Variants in KIAA1328 observed in about 807,000 individuals in gnomAD.
KIAA1328 encodes KIAA1328.
A neutral mutation model predicts 68.1 loss-of-function variants in KIAA1328; 52 were observed. The ratio of observed to expected loss-of-function variants is 0.76; its 90% CI spans 0.61 to 0.96. The LOEUF is 0.96. Among genes scored for constraint, KIAA1328 ranks in the 40% least tolerant of loss-of-function variants. The probability of loss-of-function intolerance (pLI) is 0.00; values close to 1 mark genes in which losing one functional copy is unlikely to be tolerated. For synonymous variants in KIAA1328, 232 were observed against 239.4 expected (o/e 0.97, Z 0.28); for missense variants, 641 against 677.6 (o/e 0.95, Z 0.60).
At chr18:37,192,594 C>G (rs934699394) in intron 9 of KIAA1328, among the ~76,000 whole-genome samples, 10 of 152,114 alleles carry the variant, frequency 6.6e-5, no homozygotes, top group Non-Finnish European at 1.5e-5. Context: ...CTGCTGGAGC[C>G]TAGCAAGTAA....
intron 7 of KIAA1328, among the ~76,000 whole-genome samples, chr18:37,122,105 G>A (rs1313265253): frequency 2.6e-5 from 4 of 152,018 alleles, no homozygotes; most frequent in Non-Finnish European, 5.9e-5. Flanking sequence ...AATATTTCAA[G>A]AATTAGCTGT....
At chr18:37,109,170 G>A (rs2057859362) in intron 7 of KIAA1328, among the ~76,000 whole-genome samples, 1 of 152,142 alleles carries the variant, frequency 6.6e-6, no homozygotes, top group South Asian at 2.1e-4. Flanking sequence ...TCTTAATCCA[G>A]TCTATCACTG....
intron 9 of KIAA1328, among the ~76,000 whole-genome samples, chr18:37,199,938 A>G (rs991066608): frequency 6.6e-6 from 1 of 152,182 alleles, no homozygotes; most frequent in African/African-American, 2.4e-5. Flanking sequence ...TTTTAAGAAC[A>G]TTTTTAAAAA....
chr18:36,989,717 C>T (rs768432506), intron 6 of KIAA1328, among the ~76,000 whole-genome samples: 4 of 151,686 alleles, frequency 2.6e-5, no homozygotes, highest in Non-Finnish European at 4.4e-5. Context: ...TTTTTTGAGA[C>T]GGAGTCTAGC....
At chr18:37,107,807 A>G (rs908319815) in intron 7 of KIAA1328, among the ~76,000 whole-genome samples, 6 of 152,130 alleles carry the variant, frequency 3.9e-5, no homozygotes, top group Non-Finnish European at 1.5e-5. Context: ...ATCAGTGAAG[A>G]TAGAGTTTGA....
chr18:37,140,109 C>A (rs2058735347), intron 7 of KIAA1328, among the ~76,000 whole-genome samples: 1 of 152,050 alleles, frequency 6.6e-6, no homozygotes, highest in South Asian at 2.1e-4. Flanking sequence ...AACTTTGCCT[C>A]CCTAAAGAAA....
chr18:36,886,579 G>A (rs1398346023), intron 5 of KIAA1328, among the ~76,000 whole-genome samples: 1 of 151,772 alleles, frequency 6.6e-6, no homozygotes, highest in East Asian at 1.9e-4. Context: ...ATATTTTAGG[G>A]GTGTGTTAAA....
chr18:37,115,553 A>G (rs1306178222), intron 7 of KIAA1328, among the ~76,000 whole-genome samples: 2 of 152,236 alleles, frequency 1.3e-5, no homozygotes, highest in Admixed American at 6.5e-5. Context: ...CCCACAGCCA[A>G]TATCATACTG....
At chr18:37,218,619 A>G (rs323486) in intron 9 of KIAA1328, among the ~76,000 whole-genome samples, 63,494 of 152,118 alleles carry the variant, frequency 0.42, 15,393 homozygotes, top group African/African-American at 0.67. Flanking sequence ...TCTGAAGCTT[A>G]TGCATGCGTC....
chr18:37,046,042 G>T (rs2055457928), intron 6 of KIAA1328, among the ~76,000 whole-genome samples: 1 of 152,132 alleles, frequency 6.6e-6, no homozygotes, highest in Non-Finnish European at 1.5e-5. Flanking sequence ...GAATCATGTT[G>T]AAACAGGTCC....
At chr18:37,163,271 G>A (rs2059321189) in intron 8 of KIAA1328, among the ~76,000 whole-genome samples, 1 of 152,180 alleles carries the variant, frequency 6.6e-6, no homozygotes. Context: ...GCCACTGAGT[G>A]CGCAGTTTTC....
At chr18:37,091,176 C>A (rs2057256806) in intron 7 of KIAA1328, among the ~76,000 whole-genome samples, 1 of 152,162 alleles carries the variant, frequency 6.6e-6, no homozygotes, top group African/African-American at 2.4e-5. Flanking sequence ...CCAGAACTCA[C>A]TTCCTCTACA....
intron 5 of KIAA1328, among the ~76,000 whole-genome samples, chr18:36,951,725 A>G (rs535497495): frequency 4.5e-4 from 68 of 152,276 alleles, no homozygotes; most frequent in Admixed American, 1.6e-3. Context: ...CTGTCTTATA[A>G]ATGGAATCAC....
At chr18:36,982,626 A>G (rs906900416) in intron 6 of KIAA1328, among the ~76,000 whole-genome samples, 38 of 152,190 alleles carry the variant, frequency 2.5e-4, no homozygotes, top group African/African-American at 8.2e-4. Flanking sequence ...CCACACTAGT[A>G]GAAATGTTAA....
intron 5 of KIAA1328, among the ~76,000 whole-genome samples, chr18:36,903,251 A>G (rs2049101392): frequency 6.6e-6 from 1 of 152,110 alleles, no homozygotes; most frequent in African/African-American, 2.4e-5. Flanking sequence ...GTGAAAGTTG[A>G]AGTTTTCAGA....
At chr18:37,173,325 A>G (rs1027158290) in intron 9 of KIAA1328, among the ~76,000 whole-genome samples, 3 of 152,198 alleles carry the variant, frequency 2.0e-5, no homozygotes, top group Non-Finnish European at 2.9e-5. Context: ...AGCTAAACCT[A>G]TCCTTCACCA....
intron 4 of KIAA1328, among the ~76,000 whole-genome samples, chr18:36,855,044 T>G (rs1294251230): frequency 1.3e-5 from 2 of 152,206 alleles, no homozygotes; most frequent in Non-Finnish European, 2.9e-5. Flanking sequence ...ATTTATTGAT[T>G]TATTCATCTG....
intron 6 of KIAA1328, among the ~76,000 whole-genome samples, chr18:37,035,534 G>A (rs1226086995): frequency 6.6e-6 from 1 of 152,120 alleles, no homozygotes; most frequent in African/African-American, 2.4e-5. Context: ...TCTCATTGGG[G>A]CAGATAGGAT....
chr18:37,047,619 A>T (rs1426934483), intron 6 of KIAA1328, among the ~76,000 whole-genome samples: 1 of 152,194 alleles, frequency 6.6e-6, no homozygotes, highest in Non-Finnish European at 1.5e-5. Context: ...TTTATTATTA[A>T]TTCCAATTTG....
Sources: allele counts gnomAD v4.1 joint callset (sites outside exome capture counted in the v4.1 genomes callset), GRCh38; gene constraint gnomAD v4.1.1; transcripts MANE v1.5; gene names NCBI Gene and HGNC (gene_info 2026-07-23, HGNC 2026-07-21).